RPS6KC1: variants seen among roughly 807,000 people sequenced by gnomAD.
RPS6KC1 encodes inactive ribosomal protein S6 kinase delta-1.
RPS6KC1 carries 54 observed loss-of-function variants against 103.8 expected under a neutral mutation model. That is an observed-to-expected ratio of 0.52 (90% confidence interval 0.42 to 0.65). RPS6KC1 has a LOEUF of 0.65. Ranked by LOEUF, RPS6KC1 falls within the 30% of genes least tolerant of loss-of-function variation. RPS6KC1 has a pLI of 0.00. For synonymous variants in RPS6KC1, 439 were observed against 438.7 expected, an observed-to-expected ratio of 1.00 and a Z score of -0.01; for missense variants, 1,151 against 1,253.8, an observed-to-expected ratio of 0.92 and a Z score of 1.24.
chr1:213,711,287 C>T, the RPS6KC1 span, among the ~76,000 whole-genome samples: 1 of 152,042 alleles, frequency 6.6e-6, no homozygotes, highest in African/African-American at 2.4e-5. Flanking sequence ...TCCTTTCTTC[C>T]ACTTGATCGA....
chr1:213,562,363 T>G, the RPS6KC1 span, among the ~76,000 whole-genome samples: 1 of 6,508 alleles, frequency 1.5e-4, no homozygotes, highest in Non-Finnish European at 4.5e-4. Flanking sequence ...AGTTCTGTTT[T>G]TTTTTTTTTT....
At chr1:213,540,545 T>A in the RPS6KC1 span, among the ~76,000 whole-genome samples, 1 of 152,144 alleles carries the variant, frequency 6.6e-6, no homozygotes, top group Non-Finnish European at 1.5e-5. Flanking sequence ...GAGATGGGGT[T>A]TTGCCATGTT....
At chr1:213,471,894 C>T in the RPS6KC1 span, among the ~76,000 whole-genome samples, 1 of 152,154 alleles carries the variant, frequency 6.6e-6, no homozygotes, top group South Asian at 2.1e-4. Flanking sequence ...AGCAGTCCTT[C>T]TCTATTTTGA....
At chr1:213,828,200 T>C in the RPS6KC1 span, among the ~76,000 whole-genome samples, 8 of 152,034 alleles carry the variant, frequency 5.3e-5, no homozygotes, top group Non-Finnish European at 1.0e-4. Flanking sequence ...TAGAGTGACA[T>C]AGAGTGGGGT....
chr1:213,614,564 G>A, the RPS6KC1 span, among the ~76,000 whole-genome samples: 1 of 152,208 alleles, frequency 6.6e-6, no homozygotes, highest in African/African-American at 2.4e-5. Flanking sequence ...GTTCCAGTCG[G>A]CCTGCCTCAT....
At chr1:213,494,688 C>T in the RPS6KC1 span, among the ~76,000 whole-genome samples, 1 of 151,412 alleles carries the variant, frequency 6.6e-6, no homozygotes, top group African/African-American at 2.4e-5. Flanking sequence ...GAATGGAGAC[C>T]CAGAACATTA....
the RPS6KC1 span, among the ~76,000 whole-genome samples, chr1:213,751,304 G>A: frequency 6.6e-6 from 1 of 152,106 alleles, no homozygotes; most frequent in Non-Finnish European, 1.5e-5. Context: ...TTTGCCCAGA[G>A]TGGTGCTTCT....
chr1:213,195,121 T>C (rs927716705), intron 8 of RPS6KC1, among the ~76,000 whole-genome samples: 11 of 152,146 alleles, frequency 7.2e-5, no homozygotes, highest in Non-Finnish European at 1.0e-4. Flanking sequence ...TTTTTTTGTT[T>C]TTGTCCCTTT....
At chr1:213,186,383 T>G (rs1056898611) in intron 8 of RPS6KC1, among the ~76,000 whole-genome samples, 7 of 152,134 alleles carry the variant, frequency 4.6e-5, no homozygotes, top group South Asian at 2.1e-4. Context: ...TTTTGGTTTG[T>G]TTTTTAAGCA....
At chr1:213,592,094 A>C in the RPS6KC1 span, among the ~76,000 whole-genome samples, 10 of 152,344 alleles carry the variant, frequency 6.6e-5, no homozygotes, top group African/African-American at 2.4e-4. Flanking sequence ...GCAGTACTGC[A>C]CAACTGATTC....
chr1:213,745,125 A>G, the RPS6KC1 span, among the ~76,000 whole-genome samples: 1 of 152,168 alleles, frequency 6.6e-6, no homozygotes. Context: ...GGTCATTAGA[A>G]CTCTTCTTTA....
chr1:213,151,842 C>T (rs2089037696), intron 6 of RPS6KC1, among the ~76,000 whole-genome samples: 2 of 132,036 alleles, frequency 1.5e-5, no homozygotes, highest in East Asian at 2.4e-4. Context: ...GACCCCCCCA[C>T]CTCCCTCCCG....
chr1:213,613,107 G>A, the RPS6KC1 span, among the ~76,000 whole-genome samples: 2 of 152,114 alleles, frequency 1.3e-5, no homozygotes, highest in Non-Finnish European at 2.9e-5. Context: ...GCATTTGCTG[G>A]GTAGAATTCA....
At chr1:213,512,354 T>TG in the RPS6KC1 span, among the ~76,000 whole-genome samples, 1 of 152,200 alleles carries the variant, frequency 6.6e-6, no homozygotes. Flanking sequence ...CCTCCACACG[T>TG]GGAGCCAGAG....
chr1:213,296,264 A>C, the RPS6KC1 span, among the ~76,000 whole-genome samples: 1 of 152,256 alleles, frequency 6.6e-6, no homozygotes, highest in Non-Finnish European at 1.5e-5. Flanking sequence ...ATTGGCCCTC[A>C]GAATCTCGAC....
chr1:213,058,059 CTT>C (rs756919339), intron 1 of RPS6KC1, among the ~76,000 whole-genome samples: 17 of 111,938 alleles, frequency 1.5e-4, no homozygotes, highest in Non-Finnish European at 2.1e-4. Flanking sequence ...TGCGCCTGAC[CTT>C]TTTTTTTTTT....
chr1:213,784,231 T>C, the RPS6KC1 span, among the ~76,000 whole-genome samples: 196 of 152,312 alleles, frequency 1.3e-3, 2 homozygotes, highest in East Asian at 0.031. Flanking sequence ...GACTAGCAGC[T>C]CTGGGCTTTC....
rs2080153541 is a variant in RPS6KC1 at position 213,084,071 on chromosome 1, ATTG to A, written c.262+6258_262+6260del. ...CTATACTTTCCAACCAGATTCACTT[ATTG>A]TTAAGCTTTTATCCCATTTACTTTA... On this transcript the variant is annotated intron_variant, in intron 3 of 14. Coordinates refer to ENST00000366960, the MANE Select transcript of RPS6KC1 (RefSeq NM_012424.6). Among the ~76,000 whole-genome samples, 4 of 152,142 alleles carry A rather than the reference ATTG, an allele frequency of 2.6e-5. No homozygotes were observed. The South Asian group carries it at 8.3e-4, about 32-fold the overall frequency.
intron 4 of RPS6KC1, among the ~76,000 whole-genome samples, chr1:213,110,100 A>G (rs980592095): frequency 2.0e-5 from 3 of 152,084 alleles, no homozygotes; most frequent in African/African-American, 7.2e-5. Context: ...TTGCTATTTT[A>G]TGAGTCATAG....
Sources: gnomAD v4.1 joint callset for allele counts (sites outside exome capture counted in the v4.1 genomes callset) on GRCh38, gnomAD v4.1.1 for gene constraint, MANE v1.5 for transcripts, NCBI Gene and HGNC (gene_info 2026-07-23, HGNC 2026-07-21) for gene names.